The following TSPEAR variants were observed in gnomAD, a reference collection of about 807,000 sequenced individuals.
The protein encoded by TSPEAR is thrombospondin-type laminin G domain and EAR repeat-containing protein.
Under a neutral mutation model 71.6 loss-of-function variants are expected in TSPEAR, and 69 were observed. The ratio of observed to expected loss-of-function variants is 0.96; its 90% confidence interval spans 0.79 to 1.18. The LOEUF is 1.18. Ranked by LOEUF, TSPEAR falls within the 50% of genes most tolerant of loss-of-function variation. TSPEAR has a pLI of 0.00. For synonymous variants in TSPEAR, 402 were observed against 387.2 expected (o/e 1.04, Z -0.45); for missense variants, 971 against 894.9 (o/e 1.09, Z -1.09).
At chr21:44,575,907 C>T (rs1247964863) in intron 1 of TSPEAR, among the ~76,000 whole-genome samples, 3 of 152,182 alleles carry the variant, frequency 2.0e-5, no homozygotes, top group African/African-American at 7.2e-5. Context: ...AGTAGGACTC[C>T]CTCTTTCAGG....
intron 1 of TSPEAR, among the ~76,000 whole-genome samples, chr21:44,659,216 C>A (rs1170498123): frequency 6.6e-6 from 1 of 152,090 alleles, no homozygotes; most frequent in African/African-American, 2.4e-5. Flanking sequence ...CTCCTCTGAA[C>A]GTCAGGCATG....
rs1427559068 is a variant in TSPEAR, at chr21:44,711,351, A to G, written c.82+82T>C. ...GGGCACCGCGGCTTGAATCAGTGTTAGAAAGTGGCATTTGTGACTCGACAC... is the reference window on the plus strand; with the variant it reads ...GGGCACCGCGGCTTGAATCAGTGTTGGAAAGTGGCATTTGTGACTCGACAC... On this transcript the variant is annotated intron_variant, in intron 1 of 11. Coordinates refer to ENST00000323084, the MANE Select transcript of TSPEAR (RefSeq NM_144991.3). The surrounding 1 kb of genome is among the most constrained non-coding windows in gnomAD (Gnocchi z 4.5). 1.5e-6 allele frequency: 2 copies of G among 1,313,036 alleles called. No individual in the cohort carries two copies. Among genetic ancestry groups the G allele is most frequent in the East Asian group, 5.0e-5 (2 of 39,688 alleles). The allele number at this position is 1,313,036 out of a possible 1,614,324, so 81.3% of individuals were successfully genotyped here.
chr21:44,589,865 C>A (rs782211702), intron 1 of TSPEAR, among the ~76,000 whole-genome samples: 38 of 152,378 alleles, frequency 2.5e-4, no homozygotes, highest in Admixed American at 2.0e-3. Flanking sequence ...GGGAGCCCCT[C>A]CCCAGGATGG....
Position 44,593,888 on chromosome 21 carries a change from G to A in TSPEAR, c.83-25883C>T, listed in dbSNP as rs782455983. Among the ~76,000 whole-genome samples the A allele has an allele frequency of 1.3e-5, 2 of 152,290 alleles. No homozygotes were observed. The highest frequency in any genetic ancestry group is 4.1e-4 in the South Asian group (2 of 4,830). ...CCACCAGCAGATGCCAACTGACCAC[G>A]TTCCACAGCCATGACCACAGCTCTG... On this transcript the variant is annotated intron_variant, in intron 1 of 11. Coordinates refer to ENST00000323084, the MANE Select transcript of TSPEAR (RefSeq NM_144991.3). The surrounding 1 kb of genome is among the most constrained non-coding windows in gnomAD (Gnocchi z 5.9).
intron 10 of TSPEAR, 59 bp downstream of exon 10, chr21:44,509,140 C>T (rs587771581): frequency 6.3e-5 from 99 of 1,561,208 alleles, no homozygotes; most frequent in South Asian, 5.9e-4. Context: ...ACGGGGATTC[C>T]GACATGGTGG....
chr21:44,650,001 C>T (rs1984681168), intron 1 of TSPEAR, among the ~76,000 whole-genome samples: 1 of 152,178 alleles, frequency 6.6e-6, no homozygotes, highest in Non-Finnish European at 1.5e-5. Context: ...GAGGGAGGAC[C>T]ACTCGAGCCC....
At position 44,593,194 on chromosome 21, in the gene TSPEAR, G is replaced by A. The variant is rs1432914611; in HGVS notation, c.83-25189C>T. 6.6e-6 allele frequency among the ~76,000 whole-genome samples: 1 copy of A among 152,192 alleles called. No individual in the cohort carries two copies. Among genetic ancestry groups the A allele is most frequent in the South Asian group, 2.1e-4 (1 of 4,830 alleles). On this transcript the variant is annotated intron_variant, in intron 1 of 11. Transcript: ENST00000323084. This position sits in a 1 kb window ranked among gnomAD's most constrained non-coding sequence, Gnocchi z 5.9. ...GACAGCCTTCTGGGCTGTGGTTTTG[G>A]GTTCTGAACCTGCAGAGTAACCGTG...
At chr21:44,580,066 G>A (rs2146100413) in intron 1 of TSPEAR, 1 of 1,595,008 alleles carries the variant, frequency 6.3e-7, no homozygotes, top group Admixed American at 1.7e-5. Context: ...GCACGTAGCA[G>A]GACTGCTGGC....
chr21:44,675,148 C>T (rs1986250014), intron 1 of TSPEAR, among the ~76,000 whole-genome samples: 1 of 152,064 alleles, frequency 6.6e-6, no homozygotes, highest in South Asian at 2.1e-4. Flanking sequence ...ACCAATATCC[C>T]CAATGAACAT....
chr21:44,505,005 C>T, intron 10 of TSPEAR, 124 bp from the exon 11 acceptor site: 1 of 690,436 alleles, frequency 1.4e-6, no homozygotes, highest in Non-Finnish European at 2.6e-6. Flanking sequence ...GAGTGATTTT[C>T]TCACAGTCAC....
rs2051965035 is a variant in TSPEAR, at chr21:44,498,169, G to C, written c.*1614C>G. The stretch of plus-strand genomic sequence containing the variant: ...CAGAGCAGCCACTAGTGGAGATGCT[G>C]ACCCTCTCATCTGCAGCTGTCTGCT... On this transcript the variant is annotated 3_prime_UTR_variant, in exon 12 of 12. Transcript: ENST00000323084. 1 of 152,284 alleles carries C rather than the reference G, an allele frequency of 6.6e-6. No individual in the cohort carries two copies. Among genetic ancestry groups the C allele is most frequent in the African/African-American group, 2.4e-5 (1 of 41,476 alleles). The allele number at this position is 152,284 out of a possible 1,614,324, so 9.4% of individuals were successfully genotyped here. A position where few individuals can be genotyped will look rare whatever the true frequency, so the allele number is the denominator to read the frequency against.
chr21:44,632,573 C>A (rs1015630721), intron 1 of TSPEAR, among the ~76,000 whole-genome samples: 3 of 152,236 alleles, frequency 2.0e-5, no homozygotes, highest in African/African-American at 7.2e-5. Context: ...CAGTGGCTCA[C>A]GCCTGTAATC....
At position 44,593,480 on chromosome 21, in the gene TSPEAR, G is replaced by A. The variant is rs1488059159; in HGVS notation, c.83-25475C>T. 1.3e-5 allele frequency among the ~76,000 whole-genome samples: 2 copies of A among 152,162 alleles called. No homozygotes were observed. The highest frequency in any genetic ancestry group is 2.9e-5 in the Non-Finnish European group (2 of 68,040). ...CTGCAAACCCATTGCCAGTGTAAAC[G>A]AAACATAAAATCCTAAGCCCCTCAA... On this transcript the variant is annotated intron_variant, in intron 1 of 11. Coordinates refer to ENST00000323084, the MANE Select transcript of TSPEAR (RefSeq NM_144991.3). The surrounding 1 kb of genome is among the most constrained non-coding windows in gnomAD (Gnocchi z 5.9).
chr21:44,511,813 G>T (rs777144876), intron 9 of TSPEAR, among the ~76,000 whole-genome samples: 1 of 152,236 alleles, frequency 6.6e-6, no homozygotes, highest in East Asian at 1.9e-4. Flanking sequence ...CGGAGTGCCC[G>T]CCCTGTAGCA....
chr21:44,689,506 A>T (rs1323654667), intron 1 of TSPEAR, among the ~76,000 whole-genome samples: 21 of 136,594 alleles, frequency 1.5e-4, no homozygotes, highest in Admixed American at 2.1e-4. Flanking sequence ...CATCTCGAAT[A>T]AAAAAAAAAA....
At chr21:44,561,456 G>A (rs9981366) in intron 2 of TSPEAR, among the ~76,000 whole-genome samples, 1,738 of 152,198 alleles carry the variant, frequency 0.011, 31 homozygotes, top group African/African-American at 0.04. Context: ...AACTGAAAAG[G>A]AGGGACTCCT....
At chr21:44,601,794 C>T (rs1467549056) in intron 1 of TSPEAR, 3 of 1,564,024 alleles carry the variant, frequency 1.9e-6, no homozygotes, top group Non-Finnish European at 2.6e-6. Context: ...CCCCTGGATT[C>T]TTTACCCTTG....
intron 1 of TSPEAR, among the ~76,000 whole-genome samples, chr21:44,705,410 G>A (rs1191840087): frequency 1.3e-5 from 2 of 152,240 alleles, no homozygotes; most frequent in African/African-American, 4.8e-5. Flanking sequence ...GGGAATAAGA[G>A]AGATAACCTT....
At chr21:44,517,646 T>G in intron 9 of TSPEAR, 1 of 408,392 alleles carries the variant, frequency 2.4e-6, no homozygotes, top group East Asian at 7.2e-5. Context: ...TGACTTGATA[T>G]GAGAACTAAC....
Sources: allele counts gnomAD v4.1 joint callset (sites outside exome capture counted in the v4.1 genomes callset), GRCh38; gene constraint gnomAD v4.1.1; non-coding constraint Gnocchi (gnomAD v3.1); transcripts MANE v1.5; gene names NCBI Gene and HGNC (gene_info 2026-07-23, HGNC 2026-07-21).